Variants in CAPRIN1 observed in about 807,000 individuals in gnomAD.
CAPRIN1 encodes caprin-1.
In CAPRIN1, 29 loss-of-function variants were observed where a neutral mutation model predicts 100.9. The observed-to-expected ratio is 0.29, with a 90% CI of 0.21 to 0.39. The LOEUF (loss-of-function observed/expected upper bound fraction) is 0.39, where lower values mean the gene tolerates loss of function less well. CAPRIN1 is among the 10% of genes least tolerant of loss of function. The pLI is 1.00. For synonymous variants in CAPRIN1, 338 were observed against 307.5 expected, an observed-to-expected ratio of 1.10 and a Z score of -1.04; for missense variants, 795 against 876.7, an observed-to-expected ratio of 0.91 and a Z score of 1.18.
At chr11:34,065,116 C>T (rs1327657873) in intron 2 of CAPRIN1, among the ~76,000 whole-genome samples, 6 of 151,822 alleles carry the variant, frequency 4.0e-5, no homozygotes, top group African/African-American at 7.3e-5. Context: ...CCCGCCACCA[C>T]GCCCGACTAA....
At position 34,100,293 on chromosome 11, in the gene CAPRIN1, A is replaced by T. The variant is rs1565100578; in HGVS notation, c.*926A>T. ...TGATGAAAATCTCTAGTGGATAATC[A>T]TAACACTCTCGGTCACATGTTTTTC... On this transcript the variant is annotated 3_prime_UTR_variant, in exon 19 of 19. Transcript: ENST00000341394. 1 of 152,154 alleles carries T rather than the reference A, an allele frequency of 6.6e-6. No homozygotes were observed. 9.4% of individuals were successfully genotyped at this position (152,154 alleles called of 1,614,324 possible). A position where few individuals can be genotyped will look rare whatever the true frequency, so the allele number is the denominator to read the frequency against.
intron 11 of CAPRIN1, 23 bp from the exon 12 acceptor site, chr11:34,089,372 A>G (rs1193735049): frequency 6.5e-7 from 1 of 1,530,926 alleles, no homozygotes; most frequent in Admixed American, 1.9e-5. Context: ...TGTTTGACAA[A>G]AATGTTTTGG....
At chr11:34,061,161 C>T (rs1850568866) in intron 2 of CAPRIN1, among the ~76,000 whole-genome samples, 1 of 145,718 alleles carries the variant, frequency 6.9e-6, no homozygotes, top group South Asian at 2.1e-4. Context: ...ACTTAACCTG[C>T]TTGAAAAATT....
chr11:34,082,954 G>A lies in CAPRIN1; in HGVS notation c.880-1G>A. On this transcript the variant is annotated splice_acceptor_variant, in intron 8 of 18. Coordinates refer to ENST00000341394, the MANE Select transcript of CAPRIN1 (RefSeq NM_005898.5). LOFTEE classifies it high-confidence loss of function. Reference sequence around the variant, plus strand: ...TCTCAAACATTTACTTTGCTTTGCAGTATGTAAATAGACAGTTCATGGCAG... The same window carrying A: ...TCTCAAACATTTACTTTGCTTTGCAATATGTAAATAGACAGTTCATGGCAG... The A allele has an allele frequency of 6.2e-7, 1 of 1,613,532 alleles. No homozygotes were observed. The highest frequency in any genetic ancestry group is 8.5e-7 in the Non-Finnish European group (1 of 1,179,432).
At position 34,071,993 on chromosome 11, in the gene CAPRIN1, T is replaced by TA. The variant is rs755507229; in HGVS notation, c.366+10dup. 6.4e-7 allele frequency: 1 copy of TA among 1,559,682 alleles called. No individual in the cohort carries two copies. The highest frequency in any genetic ancestry group is 1.4e-5 in the African/African-American group (1 of 73,570). ...TCATGGCACTAAGTCAAGATGTAAG[T>TA]AAAAGAAAGTATACATATTTATGAA... On this transcript the variant is annotated splice_region_variant and intron_variant, in intron 4 of 18. Transcript: ENST00000341394.
intron 9 of CAPRIN1, among the ~76,000 whole-genome samples, chr11:34,085,762 C>T (rs1377514424): frequency 6.6e-6 from 1 of 152,108 alleles, no homozygotes; most frequent in Non-Finnish European, 1.5e-5. Flanking sequence ...CGAGATCCCG[C>T]CACTGCTGTC....
rs777495008 is a variant in CAPRIN1 at position 34,096,569 on chromosome 11, G to A, written c.1796G>A (p.Arg599His). 6 of 1,614,032 alleles carry A rather than the reference G, an allele frequency of 3.7e-6. No homozygotes were observed. The highest frequency in any genetic ancestry group is 1.3e-5 in the African/African-American group (1 of 75,016). ...QPPQQNTGFP[R>H]SNQPYYNSRG... ...CCTCAGCAGAACACTGGATTTCCACGTAGCAATCAGCCCTATTACAATAGT... is the reference window on the plus strand; with the variant it reads ...CCTCAGCAGAACACTGGATTTCCACATAGCAATCAGCCCTATTACAATAGT... The change falls in exon 16 of 19, where the codon CGT becomes CAT. Residue 599 changes from arginine (R) to histidine (H), a missense_variant. This residue lies in a region of CAPRIN1 where 648 missense variants were observed against 697.9 expected (regional missense o/e 0.93). Coordinates refer to ENST00000341394, the MANE Select transcript of CAPRIN1 (RefSeq NM_005898.5).
Position 34,099,485 on chromosome 11 carries a change from A to G in CAPRIN1, c.*118A>G. The G allele has an allele frequency of 1.2e-6, 1 of 831,570 alleles. No homozygotes were observed. The highest frequency in any genetic ancestry group is 2.0e-6 in the Non-Finnish European group (1 of 498,878). The allele number at this position is 831,570 out of a possible 1,614,324, so 51.5% of individuals were successfully genotyped here. ...CTTTCAGGAAACTTATTGTAAAGGG[A>G]CTGTTTTCATCCCATAAAGACAGGA... On this transcript the variant is annotated 3_prime_UTR_variant, in exon 19 of 19. Transcript: ENST00000341394.
intron 2 of CAPRIN1, among the ~76,000 whole-genome samples, chr11:34,068,123 C>T (rs1045113886): frequency 2.0e-5 from 3 of 152,144 alleles, no homozygotes; most frequent in Non-Finnish European, 4.4e-5. Context: ...ATGTTTGTTG[C>T]TTGGACTAAA....
intron 4 of CAPRIN1, among the ~76,000 whole-genome samples, chr11:34,075,371 C>T (rs1279058478): frequency 6.6e-6 from 1 of 152,136 alleles, no homozygotes; most frequent in Admixed American, 6.6e-5. Flanking sequence ...ACTAGCCTTC[C>T]TCTATTCCCA....
chr11:34,093,230 C>G (rs1374563633), intron 15 of CAPRIN1, among the ~76,000 whole-genome samples: 1 of 148,498 alleles, frequency 6.7e-6, no homozygotes, highest in Admixed American at 6.9e-5. Flanking sequence ...GGGTCTCTGT[C>G]TGTTGCCCAG....
At chr11:34,066,339 ATTTAT>A (rs1177117169) in intron 2 of CAPRIN1, among the ~76,000 whole-genome samples, 77 of 150,604 alleles carry the variant, frequency 5.1e-4, no homozygotes, top group African/African-American at 1.8e-3. Context: ...TTATTTATTT[ATTTAT>A]TTTTTTTGAG....
At chr11:34,062,038 A>T (rs914978352) in intron 2 of CAPRIN1, among the ~76,000 whole-genome samples, 2 of 152,036 alleles carry the variant, frequency 1.3e-5, no homozygotes, top group African/African-American at 4.8e-5. Context: ...GGAACAGCAT[A>T]GACTCCCGCT....
At chr11:34,063,606 G>GA (rs1188321933) in intron 2 of CAPRIN1, among the ~76,000 whole-genome samples, 2 of 152,156 alleles carry the variant, frequency 1.3e-5, no homozygotes, top group African/African-American at 4.8e-5. Flanking sequence ...CCTCTCCCAT[G>GA]ATTCCCCCTT....
chr11:34,099,131 C>T lies in CAPRIN1; in HGVS notation c.2066-172C>T, dbSNP rs1851416025. On this transcript the variant is annotated intron_variant, in intron 18 of 18. Coordinates refer to ENST00000341394, the MANE Select transcript of CAPRIN1 (RefSeq NM_005898.5). ...AGCTAAGAGAACATGAGCAAATTTG[C>T]GCATGACAACTTCCAGGACAGGGGA... 6 of 1,436,256 alleles carry T rather than the reference C, an allele frequency of 4.2e-6. No homozygotes were observed. The South Asian group carries it at 4.5e-5, about 11-fold the overall frequency. The allele number at this position is 1,436,256 out of a possible 1,614,324, so 89.0% of individuals were successfully genotyped here.
At chr11:34,052,138 C>G (rs1850321428) in intron 1 of CAPRIN1, 1 of 150,446 alleles carries the variant, frequency 6.6e-6, no homozygotes. Flanking sequence ...CCGCCTCCGG[C>G]GCGAGCCTCG....
intron 6 of CAPRIN1, among the ~76,000 whole-genome samples, 176 bp from the exon 7 acceptor site, chr11:34,079,452 G>T (rs1850967396): frequency 6.6e-6 from 1 of 152,006 alleles, no homozygotes; most frequent in African/African-American, 2.4e-5. Context: ...CATTCTTCTT[G>T]TTCCCTATCA....
Position 34,099,850 on chromosome 11 carries a change from G to C in CAPRIN1, c.*483G>C, listed in dbSNP as rs1343537012. 6.4e-6 allele frequency: 1 copy of C among 156,194 alleles called. No individual in the cohort carries two copies. The highest frequency in any genetic ancestry group is 1.4e-5 in the Non-Finnish European group (1 of 70,318). The allele number at this position is 156,194 out of a possible 1,614,324, so 9.7% of individuals were successfully genotyped here. A position where few individuals can be genotyped will look rare whatever the true frequency, so the allele number is the denominator to read the frequency against. On this transcript the variant is annotated 3_prime_UTR_variant, in exon 19 of 19. Coordinates refer to ENST00000341394, the MANE Select transcript of CAPRIN1 (RefSeq NM_005898.5). ...ACAACTGCATTTCACAGCTTTTCCA[G>C]TTAAATTGGAGCACTGAACGTTCAG...
Position 34,092,962 on chromosome 11 carries a change from C to T in CAPRIN1, c.1705+906C>T, listed in dbSNP as rs866050324. Among the ~76,000 whole-genome samples the T allele has an allele frequency of 3.9e-5, 6 of 152,182 alleles. No homozygotes were observed. The South Asian group carries it at 1.0e-3, about 26-fold the overall frequency. ...CAAACTCCTGGGCTCAATGATCCTC[C>T]TCCCTCAGCCTCCTGAGTAGTTGGT... On this transcript the variant is annotated intron_variant, in intron 15 of 18. Coordinates refer to ENST00000341394, the MANE Select transcript of CAPRIN1 (RefSeq NM_005898.5).
Sources: gnomAD v4.1 joint callset for allele counts (sites outside exome capture counted in the v4.1 genomes callset) on GRCh38, gnomAD v4.1.1 for gene constraint, gnomAD v4.1.1 regional missense constraint, MANE v1.5 for transcripts, NCBI Gene and HGNC (gene_info 2026-07-23, HGNC 2026-07-21) for gene names.